Variants in GCNT1 observed in about 807,000 individuals in gnomAD.
GCNT1 encodes beta-1,3-galactosyl-O-glycosyl-glycoprotein beta-1,6-N-acetylglucosaminyltransferase.
GCNT1 carries 16 observed loss-of-function variants against 26.2 expected under a neutral mutation model. That is an observed-to-expected ratio of 0.61 (90% CI 0.41 to 0.93). GCNT1 has a LOEUF of 0.93. Ranked by LOEUF, GCNT1 falls within the 40% of genes least tolerant of loss-of-function variation. The probability of loss-of-function intolerance (pLI) is 0.00; values close to 1 mark genes in which losing one functional copy is unlikely to be tolerated. For synonymous variants in GCNT1, 183 were observed against 190.8 expected (o/e 0.96, Z 0.34); for missense variants, 477 against 526.7 (o/e 0.91, Z 0.92).
At chr9:76,441,364 T>G (rs142398439), upstream of GCNT1, among the ~76,000 whole-genome samples, 1,251 of 152,220 alleles carry the variant, frequency 8.2e-3, 15 homozygotes, top group African/African-American at 0.028. Flanking sequence ...CAGGCTGGTC[T>G]CAAACTCCTG....
At chr9:76,487,132 C>T (rs982079605) in intron 2 of GCNT1, among the ~76,000 whole-genome samples, 1 of 152,032 alleles carries the variant, frequency 6.6e-6, no homozygotes, top group Admixed American at 6.6e-5. Flanking sequence ...GACCAAATAC[C>T]CTAAGATGAG....
At chr9:76,470,474 G>A (rs1419167544) in intron 2 of GCNT1, among the ~76,000 whole-genome samples, 1 of 151,956 alleles carries the variant, frequency 6.6e-6, no homozygotes, top group East Asian at 1.9e-4. Context: ...GTGTGGTGGT[G>A]TGCGTCTGTA....
chr9:76,468,800 A>G (rs888113718), intron 2 of GCNT1, among the ~76,000 whole-genome samples: 3 of 152,248 alleles, frequency 2.0e-5, no homozygotes, highest in African/African-American at 7.2e-5. Context: ...ACAGTGAATT[A>G]CTTTTCAAAA....
At chr9:76,494,080 A>C (rs979866502) in intron 2 of GCNT1, among the ~76,000 whole-genome samples, 19 of 151,908 alleles carry the variant, frequency 1.3e-4, no homozygotes, top group Admixed American at 6.6e-5. Flanking sequence ...CCCGCCCCCC[A>C]CCAAGAACCC....
intron 1 of GCNT1, among the ~76,000 whole-genome samples, chr9:76,421,139 T>C (rs1823184831): frequency 6.6e-6 from 1 of 152,192 alleles, no homozygotes; most frequent in African/African-American, 2.4e-5. Context: ...TTGACAGTTT[T>C]ACCATTTTCA....
intron 2 of GCNT1, among the ~76,000 whole-genome samples, chr9:76,486,623 A>G (rs1250646272): frequency 2.6e-5 from 4 of 152,128 alleles, no homozygotes; most frequent in East Asian, 1.9e-4. Context: ...TTTTGATGCT[A>G]CTACTTCAGT....
rs560650210 is a variant in GCNT1, at chr9:76,500,040, A to T, written c.-289-876A>T. ...CTGATTTCAAGTATTTATTAAATCCAATGCCTGGGCTTCCTTGGGGACATT... is the reference window on the plus strand; with the variant it reads ...CTGATTTCAAGTATTTATTAAATCCTATGCCTGGGCTTCCTTGGGGACATT... On this transcript the variant is annotated intron_variant, in intron 2 of 3. Transcript: ENST00000376730. 2.0e-5 allele frequency among the ~76,000 whole-genome samples: 3 copies of T among 152,256 alleles called. No individual in the cohort carries two copies. In the East Asian group the frequency reaches 5.8e-4, roughly 29 times the overall value.
chr9:76,464,216 T>C (rs772847435), intron 2 of GCNT1, among the ~76,000 whole-genome samples: 1 of 151,960 alleles, frequency 6.6e-6, no homozygotes, highest in Non-Finnish European at 1.5e-5. Context: ...AAACCCACTT[T>C]TTGTTTGTTT....
chr9:76,496,616 C>T (rs1280681912), intron 2 of GCNT1, among the ~76,000 whole-genome samples: 1 of 152,134 alleles, frequency 6.6e-6, no homozygotes, highest in Non-Finnish European at 1.5e-5. Context: ...GTGACCATAT[C>T]GTCACCTTAG....
At chr9:76,427,988 A>AAAAC (rs912606834) in intron 1 of GCNT1, among the ~76,000 whole-genome samples, 1 of 152,154 alleles carries the variant, frequency 6.6e-6, no homozygotes, top group East Asian at 1.9e-4. Flanking sequence ...TCTCAAAAAC[A>AAAAC]AAACAAACAA....
At chr9:76,396,261 C>A in the GCNT1 span, among the ~76,000 whole-genome samples, 1 of 152,100 alleles carries the variant, frequency 6.6e-6, no homozygotes, top group Non-Finnish European at 1.5e-5. Flanking sequence ...TCATGTAATC[C>A]TCTCATCAGC....
At chr9:76,489,325 C>G (rs977224503) in intron 2 of GCNT1, among the ~76,000 whole-genome samples, 1 of 152,124 alleles carries the variant, frequency 6.6e-6, no homozygotes, top group African/African-American at 2.4e-5. Context: ...GGTTCTTGGT[C>G]TCACTGACTT....
Position 76,504,712 on chromosome 9 carries a change from A to G in GCNT1, c.*1044A>G, listed in dbSNP as rs1210870409. The G allele has an allele frequency of 4.8e-6, 2 of 413,144 alleles. No homozygotes were observed. The highest frequency in any genetic ancestry group is 2.1e-5 in the African/African-American group (1 of 48,570). 25.6% of individuals were successfully genotyped at this position (413,144 alleles called of 1,614,324 possible). ...CGCTTATTGAATCCACTTGTGTCCA[A>G]CCTCCCAGGATTGTTTTATCCTAAT... is the stretch of plus-strand genomic sequence containing the variant. On this transcript the variant is annotated 3_prime_UTR_variant, in exon 4 of 4. Coordinates refer to ENST00000376730, the MANE Select transcript of GCNT1 (RefSeq NM_001490.5).
At chr9:76,501,664 T>G (rs1825074037) in intron 3 of GCNT1, 1 of 152,242 alleles carries the variant, frequency 6.6e-6, no homozygotes, top group Admixed American at 6.5e-5. Context: ...TCAAAGATTC[T>G]TAGAAGTCAC....
chr9:76,424,543 A>G (rs1422362348), intron 1 of GCNT1, among the ~76,000 whole-genome samples: 1 of 152,252 alleles, frequency 6.6e-6, no homozygotes, highest in Non-Finnish European at 1.5e-5. Context: ...ATCTTGGAGT[A>G]GCCCAAAAAG....
chr9:76,412,166 A>G, the GCNT1 span, among the ~76,000 whole-genome samples: 7 of 152,178 alleles, frequency 4.6e-5, no homozygotes, highest in Non-Finnish European at 1.0e-4. Context: ...TGTCTCTGGT[A>G]TTATTGTGTA....
In GCNT1 at chr9:76,505,746, A is replaced by C. The variant is rs562973392; in HGVS notation, c.*2078A>C. ...AAAATTGGAAATTAAAATTTTTAAAAATTACAAATATACAAAGTTATTTAT... is the reference window on the plus strand; with the variant it reads ...AAAATTGGAAATTAAAATTTTTAAACATTACAAATATACAAAGTTATTTAT... On this transcript the variant is annotated 3_prime_UTR_variant, in exon 4 of 4. Transcript: ENST00000376730. 3.0e-5 allele frequency: 5 copies of C among 167,072 alleles called. No homozygotes were observed. The South Asian group carries it at 1.0e-3, about 35-fold the overall frequency. The allele number at this position is 167,072 out of a possible 1,614,324, so 10.3% of individuals were successfully genotyped here.
chr9:76,483,613 G>T (rs368896826), intron 2 of GCNT1, among the ~76,000 whole-genome samples: 1 of 151,916 alleles, frequency 6.6e-6, no homozygotes, highest in Non-Finnish European at 1.5e-5. Context: ...TGTAGAGATG[G>T]TATCTCACCA....
chr9:76,400,759 T>C, the GCNT1 span, among the ~76,000 whole-genome samples: 1 of 152,024 alleles, frequency 6.6e-6, no homozygotes, highest in African/African-American at 2.4e-5. Flanking sequence ...TCCAGAGAGG[T>C]GGGACTTGAG....
Sources: gnomAD v4.1 joint callset for allele counts (sites outside exome capture counted in the v4.1 genomes callset) on GRCh38, gnomAD v4.1.1 for gene constraint, MANE v1.5 for transcripts, NCBI Gene and HGNC (gene_info 2026-07-23, HGNC 2026-07-21) for gene names.